CLVS1: variants seen among roughly 807,000 people sequenced by gnomAD.
CLVS1 encodes the protein clavesin-1.
In CLVS1, 10 loss-of-function variants were observed where a neutral mutation model predicts 33.1. The observed-to-expected ratio is 0.30, with a 90% CI of 0.19 to 0.51. The LOEUF (loss-of-function observed/expected upper bound fraction) is 0.51. Ranked by LOEUF, CLVS1 falls within the 20% of genes least tolerant of loss-of-function variation. The pLI, the probability that CLVS1 is intolerant of heterozygous loss-of-function variation, is 0.97. For missense variants in CLVS1, 343 were observed against 433.4 expected (o/e 0.79, Z 1.85); for synonymous variants, 163 against 166.1 (o/e 0.98, Z 0.14).
chr8:61,282,823 T>A (rs1361380914), intron 2 of CLVS1, among the ~76,000 whole-genome samples: 1 of 152,198 alleles, frequency 6.6e-6, no homozygotes, highest in Non-Finnish European at 1.5e-5. Flanking sequence ...TAACACATAG[T>A]GTGGCTCAGA....
intron 2 of CLVS1, among the ~76,000 whole-genome samples, chr8:61,375,050 G>A (rs1052861491): frequency 1.3e-5 from 2 of 151,962 alleles, no homozygotes; most frequent in Non-Finnish European, 2.9e-5. Flanking sequence ...AGATTATCCC[G>A]AGCCTTCATC....
At chr8:61,352,695 G>A (rs188338067) in intron 2 of CLVS1, among the ~76,000 whole-genome samples, 4 of 152,074 alleles carry the variant, frequency 2.6e-5, no homozygotes, top group African/African-American at 9.6e-5. Flanking sequence ...AATCCATTAA[G>A]AAGACATAAA....
At chr8:61,235,146 C>G (rs1808529279) in intron 2 of CLVS1, among the ~76,000 whole-genome samples, 1 of 144,188 alleles carries the variant, frequency 6.9e-6, no homozygotes, top group Non-Finnish European at 1.5e-5. Flanking sequence ...CTCTGCTTTC[C>G]TTTAAGCAAT....
intron 2 of CLVS1, among the ~76,000 whole-genome samples, chr8:61,282,874 GGA>G (rs1315317834): frequency 6.6e-6 from 1 of 152,280 alleles, no homozygotes; most frequent in East Asian, 1.9e-4. Context: ...ACTTGGGATA[GGA>G]AATGGAAACT....
At chr8:60,999,603 C>T in the CLVS1 span, among the ~76,000 whole-genome samples, 8 of 152,218 alleles carry the variant, frequency 5.3e-5, no homozygotes, top group African/African-American at 1.9e-4. Context: ...TACCACCTGG[C>T]CAACTGTGAT....
chr8:60,989,200 G>C, the CLVS1 span, among the ~76,000 whole-genome samples: 1 of 151,466 alleles, frequency 6.6e-6, no homozygotes, highest in African/African-American at 2.4e-5. Flanking sequence ...TTTGTTTTGA[G>C]ATGGAATTTT....
chr8:60,991,737 C>T, the CLVS1 span, among the ~76,000 whole-genome samples: 1 of 145,792 alleles, frequency 6.9e-6, no homozygotes, highest in Non-Finnish European at 1.5e-5. Context: ...CCTGATCAAG[C>T]CCCACTCTTT....
chr8:61,273,648 G>A (rs951073976), intron 2 of CLVS1, among the ~76,000 whole-genome samples: 4 of 152,180 alleles, frequency 2.6e-5, no homozygotes, highest in African/African-American at 9.7e-5. Flanking sequence ...GCGAGACTCC[G>A]TGGGCGTAGG....
chr8:61,171,882 G>T lies in CLVS1; in HGVS notation c.-152+40022G>T, dbSNP rs143291489. 3.7e-4 allele frequency among the ~76,000 whole-genome samples: 57 copies of T among 152,322 alleles called. 1 individual carries two copies. In the East Asian group the frequency reaches 0.01, roughly 27 times the overall value. The stretch of plus-strand genomic sequence containing the variant: ...TGAGCTAAAGTCAGGTTACTGTGGT[G>T]TGGAAGTCAAGCAAGCGTGGAAATC... On this transcript the variant is annotated intron_variant, in intron 2 of 2. Coordinates refer to the CLVS1 transcript ENST00000522621.
chr8:61,288,726 A>G (rs1809867789), intron 1 of CLVS1, among the ~76,000 whole-genome samples: 2 of 152,194 alleles, frequency 1.3e-5, no homozygotes, highest in Admixed American at 1.3e-4. Flanking sequence ...ACAGAAATGT[A>G]AGCTCAACCT....
chr8:61,010,942 C>T, the CLVS1 span, among the ~76,000 whole-genome samples: 1 of 152,308 alleles, frequency 6.6e-6, no homozygotes, highest in Admixed American at 6.5e-5. Flanking sequence ...TCATGCAGGG[C>T]CCGGCACACG....
the CLVS1 span, among the ~76,000 whole-genome samples, chr8:61,019,111 A>G: frequency 1.3e-5 from 2 of 152,100 alleles, no homozygotes; most frequent in Admixed American, 1.3e-4. Flanking sequence ...GTAAAACTGT[A>G]CTCTCCTATG....
chr8:61,207,244 TAAGTGAAGTTCAGAGGTGCATGGGCTC>T (rs1235278271), intron 2 of CLVS1, among the ~76,000 whole-genome samples: 2 of 128,796 alleles, frequency 1.6e-5, no homozygotes, highest in Non-Finnish European at 3.2e-5. Flanking sequence ...TGCATGGGCT[TAAGTGAAGTTCAGAGGTGCATGGGCTC>T]AAGTGAAGTT....
Position 61,491,554 on chromosome 8 carries a change from T to C in CLVS1, c.978-7901T>C, listed in dbSNP as rs150831515. On this transcript the variant is annotated intron_variant, in intron 5 of 5. Coordinates refer to ENST00000325897, the MANE Select transcript of CLVS1 (RefSeq NM_173519.3). ...GAAATGCATAATTTATTAAGAGAGA[T>C]TAAATTCAAACTTTCTTTATATTGC... 2.8e-4 allele frequency among the ~76,000 whole-genome samples: 43 copies of C among 152,322 alleles called. No homozygotes were observed. The East Asian group carries it at 7.5e-3, about 27-fold the overall frequency.
At chr8:61,271,985 CCATTTA>C (rs1392132191) in intron 2 of CLVS1, among the ~76,000 whole-genome samples, 1 of 151,636 alleles carries the variant, frequency 6.6e-6, no homozygotes, top group African/African-American at 2.4e-5. Flanking sequence ...AGCATTTAGT[CCATTTA>C]CATTTAAAGT....
the CLVS1 span, among the ~76,000 whole-genome samples, chr8:60,994,456 T>C: frequency 6.6e-6 from 1 of 152,234 alleles, no homozygotes; most frequent in East Asian, 1.9e-4. Context: ...GTTAAAAATA[T>C]TGATGCATGT....
intron 2 of CLVS1, among the ~76,000 whole-genome samples, chr8:61,183,786 C>G (rs1807287570): frequency 6.6e-6 from 1 of 152,132 alleles, no homozygotes; most frequent in Non-Finnish European, 1.5e-5. Context: ...AATACTCCCC[C>G]ACCCCGAATG....
intron 2 of CLVS1, among the ~76,000 whole-genome samples, chr8:61,354,808 G>C (rs756184921): frequency 2.0e-5 from 3 of 152,140 alleles, no homozygotes; most frequent in Non-Finnish European, 4.4e-5. Context: ...AGTGATTACA[G>C]GTTTTAGGGA....
the CLVS1 span, among the ~76,000 whole-genome samples, chr8:61,034,952 T>C: frequency 6.6e-6 from 1 of 152,206 alleles, no homozygotes; most frequent in African/African-American, 2.4e-5. Context: ...AACTGGGGCC[T>C]AATCCTTTAA....
Sources: allele counts gnomAD v4.1 joint callset (sites outside exome capture counted in the v4.1 genomes callset), GRCh38; gene constraint gnomAD v4.1.1; transcripts MANE v1.5; gene names NCBI Gene and HGNC (gene_info 2026-07-23, HGNC 2026-07-21).